Variants in ZMAT3 observed in about 807,000 individuals in gnomAD.
ZMAT3 encodes zinc finger matrin-type protein 3.
In ZMAT3, 17 loss-of-function variants were observed where a neutral mutation model predicts 32.3. The observed-to-expected ratio is 0.53, with a 90% CI of 0.36 to 0.79. The LOEUF is 0.79. Among genes scored for constraint, ZMAT3 ranks in the 30% least tolerant of loss-of-function variants. The probability of loss-of-function intolerance (pLI) is 0.00; values close to 1 mark genes in which losing one functional copy is unlikely to be tolerated. For missense variants in ZMAT3, 329 were observed against 359.7 expected (o/e 0.91, Z 0.69); for synonymous variants, 120 against 133.1 (o/e 0.90, Z 0.68).
Position 179,071,726 on chromosome 3 carries a change from C to A in ZMAT3, c.-189G>T, listed in dbSNP as rs1214256377. 1 of 152,798 alleles carries A rather than the reference C, an allele frequency of 6.5e-6. No homozygotes were observed. Among genetic ancestry groups the A allele is most frequent in the South Asian group, 2.1e-4 (1 of 4,838 alleles). 9.5% of individuals were successfully genotyped at this position (152,798 alleles called of 1,614,324 possible). A position where few individuals can be genotyped will look rare whatever the true frequency, so the allele number is the denominator to read the frequency against. ...CGGAGCAACTTTCTCCGCCGGCCGC[C>A]GCCGAGCCCCCTCCGCAGCCGAAGG... is the stretch of plus-strand genomic sequence containing the variant. On this transcript the variant is annotated 5_prime_UTR_variant, in exon 1 of 6. Coordinates refer to ENST00000311417, the MANE Select transcript of ZMAT3 (RefSeq NM_022470.4).
Position 179,029,604 on chromosome 3 carries a change from C to G in ZMAT3, c.390+1276G>C, listed in dbSNP as rs1576838623. 4.6e-5 allele frequency among the ~76,000 whole-genome samples: 7 copies of G among 152,120 alleles called. No individual in the cohort carries two copies. In the South Asian group the frequency reaches 1.4e-3, roughly 32 times the overall value. ...TCACCCTCCCAAGTACCTGAGACTACAGGCACACACCACCACACCCAGCTT... is the reference window on the plus strand; with the variant it reads ...TCACCCTCCCAAGTACCTGAGACTAGAGGCACACACCACCACACCCAGCTT... On this transcript the variant is annotated intron_variant, in intron 3 of 5. Coordinates refer to ENST00000311417, the MANE Select transcript of ZMAT3 (RefSeq NM_022470.4).
In ZMAT3 at chr3:179,042,524, G is replaced by C. The variant is rs1051115221; in HGVS notation, c.271-11525C>G. On this transcript the variant is annotated intron_variant, in intron 2 of 5. Coordinates refer to ENST00000311417, the MANE Select transcript of ZMAT3 (RefSeq NM_022470.4). Reference sequence around the variant, plus strand: ...AAAAGGCCTTTGACAAAACTCAACAGCCTTCATGCCAAAAACTCTCAATAA... The same window carrying C: ...AAAAGGCCTTTGACAAAACTCAACACCCTTCATGCCAAAAACTCTCAATAA... Among the ~76,000 whole-genome samples the C allele has an allele frequency of 5.2e-4, 79 of 152,130 alleles. 1 individual carries two copies. Among genetic ancestry groups the C allele is most frequent in the Middle Eastern group, 3.4e-3 (1 of 294 alleles).
chr3:179,035,057 A>T (rs182085048), intron 2 of ZMAT3, among the ~76,000 whole-genome samples: 45 of 152,322 alleles, frequency 3.0e-4, no homozygotes, highest in African/African-American at 1.1e-3. Flanking sequence ...AATTCTTGAC[A>T]TGAATCAGTT....
intron 2 of ZMAT3, among the ~76,000 whole-genome samples, chr3:179,041,178 C>G (rs2108556413): frequency 6.6e-6 from 1 of 152,248 alleles, no homozygotes; most frequent in African/African-American, 2.4e-5. Flanking sequence ...ATTAATGAGA[C>G]ACAAGGTTAA....
intron 5 of ZMAT3, among the ~76,000 whole-genome samples, chr3:179,026,714 T>A (rs1718895259): frequency 6.6e-6 from 1 of 152,150 alleles, no homozygotes. Flanking sequence ...ATGTCCTTTT[T>A]TTAGTAGGCT....
chr3:179,029,419 T>G (rs2108538961), intron 3 of ZMAT3, among the ~76,000 whole-genome samples: 1 of 152,256 alleles, frequency 6.6e-6, no homozygotes, highest in East Asian at 1.9e-4. Context: ...CAAAAAAAAC[T>G]CAGCAATCAA....
At chr3:179,031,893 T>A (rs1266434045) in intron 2 of ZMAT3, among the ~76,000 whole-genome samples, 1 of 142,742 alleles carries the variant, frequency 7.0e-6, no homozygotes, top group Non-Finnish European at 1.5e-5. Flanking sequence ...GGTGACAAAG[T>A]TAGATTCTGT....
chr3:179,058,956 T>C (rs1312802466), intron 2 of ZMAT3, among the ~76,000 whole-genome samples: 4 of 152,092 alleles, frequency 2.6e-5, no homozygotes. Flanking sequence ...TAAGTATACC[T>C]ACCTAGTCCT....
At chr3:179,066,021 C>T (rs1454203705) in intron 2 of ZMAT3, among the ~76,000 whole-genome samples, 2 of 152,098 alleles carry the variant, frequency 1.3e-5, no homozygotes, top group African/African-American at 2.4e-5. Context: ...ACCTTTAGAA[C>T]CCTGGCTTCT....
At chr3:179,037,481 C>A (rs114987582) in intron 2 of ZMAT3, among the ~76,000 whole-genome samples, 25 of 152,256 alleles carry the variant, frequency 1.6e-4, no homozygotes, top group African/African-American at 6.0e-4. Flanking sequence ...CCTCAGCGGG[C>A]GCAGGATCCA....
rs1263740463 is a variant in ZMAT3, at chr3:179,021,907, T to C, written c.*3110A>G. ...GTAACAAGCTCAAAACATAACCTAC[T>C]GTCATAGAGATTTGTGATTTTTTTT... On this transcript the variant is annotated 3_prime_UTR_variant, in exon 6 of 6. Coordinates refer to ENST00000311417, the MANE Select transcript of ZMAT3 (RefSeq NM_022470.4). 1 of 152,216 alleles carries C rather than the reference T, an allele frequency of 6.6e-6. No homozygotes were observed. Among genetic ancestry groups the C allele is most frequent in the Non-Finnish European group, 1.5e-5 (1 of 68,022 alleles). The allele number at this position is 152,216 out of a possible 1,614,324, so 9.4% of individuals were successfully genotyped here. A position where few individuals can be genotyped will look rare whatever the true frequency, so the allele number is the denominator to read the frequency against.
intron 1 of ZMAT3, among the ~76,000 whole-genome samples, chr3:179,068,244 C>T (rs1382494061): frequency 6.6e-6 from 1 of 152,088 alleles, no homozygotes; most frequent in African/African-American, 2.4e-5. Flanking sequence ...TGGTGGCTCA[C>T]GCCTGTAATC....
At position 179,021,681 on chromosome 3, in the gene ZMAT3, A is replaced by C. The variant is rs1032061893; in HGVS notation, c.*3336T>G. 1.3e-5 allele frequency: 2 copies of C among 152,234 alleles called. No homozygotes were observed. Among genetic ancestry groups the C allele is most frequent in the African/African-American group, 2.4e-5 (1 of 41,450 alleles). 9.4% of individuals were successfully genotyped at this position (152,234 alleles called of 1,614,324 possible). A position where few individuals can be genotyped will look rare whatever the true frequency, so the allele number is the denominator to read the frequency against. ...ATGTTACAGAGACAGACTGAGCTTC[A>C]CAAAATGAAACCAACGAAGATCACA... On this transcript the variant is annotated 3_prime_UTR_variant, in exon 6 of 6. Transcript: ENST00000311417.
intron 2 of ZMAT3, among the ~76,000 whole-genome samples, chr3:179,056,232 G>A (rs1720835491): frequency 1.3e-5 from 2 of 151,988 alleles, no homozygotes; most frequent in Admixed American, 6.6e-5. Context: ...CTTAGGCCCG[G>A]AGCAGAACTT....
intron 2 of ZMAT3, among the ~76,000 whole-genome samples, chr3:179,053,930 A>T (rs1720702142): frequency 6.6e-6 from 1 of 152,232 alleles, no homozygotes; most frequent in African/African-American, 2.4e-5. Context: ...TACACAATTA[A>T]TGAAATGTAA....
chr3:179,031,913 A>T (rs1719220553), intron 2 of ZMAT3, among the ~76,000 whole-genome samples: 1 of 104,158 alleles, frequency 9.6e-6, no homozygotes, highest in Non-Finnish European at 2.0e-5. Flanking sequence ...TCTCAAATAA[A>T]AAAAAAAAAA....
Position 179,067,609 on chromosome 3 carries a change from T to C in ZMAT3, c.144A>G (p.Ala48=), listed in dbSNP as rs768714218. 3.1e-6 allele frequency: 5 copies of C among 1,614,086 alleles called. 1 individual carries two copies. The highest frequency in any genetic ancestry group is 2.2e-5 in the South Asian group (2 of 91,090). The change falls in exon 2 of 6, where the codon GCA becomes GCG. Residue 48 remains alanine (A), a synonymous_variant. Transcript: ENST00000311417. ...PFGQEASLPL[A]GEEELSKGGE... ...CTCCCTTCGATAACTCTTCTTCCCC[T>C]GCAAGAGGCAAGGAAGCCTCCTGCC...
chr3:179,023,139 T>C lies in ZMAT3; in HGVS notation c.*1878A>G, dbSNP rs1169658993. 2.0e-5 allele frequency: 3 copies of C among 150,508 alleles called. No homozygotes were observed. Among genetic ancestry groups the C allele is most frequent in the South Asian group, 2.1e-4 (1 of 4,786 alleles). 9.3% of individuals were successfully genotyped at this position (150,508 alleles called of 1,614,324 possible). A position where few individuals can be genotyped will look rare whatever the true frequency, so the allele number is the denominator to read the frequency against. ...AATATTCACAGAGCACTCCATTAGT[T>C]AATCTAGATATATATTATAGCTTCT... On this transcript the variant is annotated 3_prime_UTR_variant, in exon 6 of 6. Transcript: ENST00000311417.
At chr3:179,047,898 TTAAA>T (rs1413347935) in intron 2 of ZMAT3, among the ~76,000 whole-genome samples, 2 of 150,636 alleles carry the variant, frequency 1.3e-5, no homozygotes, top group African/African-American at 4.9e-5. Context: ...GAAGTCCAAC[TTAAA>T]TAAATCAAAA....
Sources: gnomAD v4.1 joint callset for allele counts (sites outside exome capture counted in the v4.1 genomes callset) on GRCh38, gnomAD v4.1.1 for gene constraint, MANE v1.5 for transcripts, NCBI Gene and HGNC (gene_info 2026-07-23, HGNC 2026-07-21) for gene names.